NBAS: variants seen among roughly 807,000 people sequenced by gnomAD.
NBAS encodes NAG/BC035112 fusion.
NBAS carries 219 observed loss-of-function variants against 302.5 expected under a neutral mutation model. That is an observed-to-expected ratio of 0.72 (90% confidence interval 0.65 to 0.81). The LOEUF is 0.81. Ranked by LOEUF, NBAS falls within the 30% of genes least tolerant of loss-of-function variation. The pLI is 0.00. For missense variants in NBAS, 2,932 were observed against 2,841.6 expected, an observed-to-expected ratio of 1.03 and a Z score of -0.72; for synonymous variants, 1,118 against 1,021.6, an observed-to-expected ratio of 1.09 and a Z score of -1.80.
chr2:14,856,321 A>C, the NBAS span, among the ~76,000 whole-genome samples: 1 of 152,336 alleles, frequency 6.6e-6, no homozygotes, highest in Admixed American at 6.5e-5. Flanking sequence ...CTTCCTAAGA[A>C]GAATGGCTAC....
chr2:15,366,769 G>T, intron 31 of NBAS, 76 bp from the exon 32 acceptor site: 1 of 1,339,042 alleles, frequency 7.5e-7, no homozygotes, highest in Non-Finnish European at 1.1e-6. Context: ...CTAATGCAAG[G>T]CATCCAAAGA....
At chr2:14,989,115 T>C in the NBAS span, among the ~76,000 whole-genome samples, 1 of 152,196 alleles carries the variant, frequency 6.6e-6, no homozygotes, top group East Asian at 1.9e-4. Context: ...CCAAATAGTA[T>C]GTATTTTAGA....
At chr2:15,456,542 G>C (rs955063114) in intron 21 of NBAS, among the ~76,000 whole-genome samples, 1 of 152,192 alleles carries the variant, frequency 6.6e-6, no homozygotes, top group Non-Finnish European at 1.5e-5. Context: ...TCGTGAACAA[G>C]AGGCAAAGTC....
chr2:15,050,163 C>T, the NBAS span, among the ~76,000 whole-genome samples: 1 of 152,160 alleles, frequency 6.6e-6, no homozygotes, highest in African/African-American at 2.4e-5. Flanking sequence ...AGCTCAGCAA[C>T]GTCATCCTGA....
chr2:15,489,070 A>G, intron 11 of NBAS, 48 bp from the exon 12 acceptor site: 1 of 1,601,692 alleles, frequency 6.2e-7, no homozygotes, highest in Non-Finnish European at 8.5e-7. Context: ...GGTCAAATGT[A>G]AATAACTCAG....
intron 21 of NBAS, 130 bp downstream of exon 21, chr2:15,461,071 A>AT (rs1679484567): frequency 2.2e-6 from 2 of 903,532 alleles, no homozygotes; most frequent in Non-Finnish European, 3.3e-6. Context: ...CAATAACTTA[A>AT]TTTTTTATCA....
intron 11 of NBAS, among the ~76,000 whole-genome samples, chr2:15,496,066 A>G (rs189879136): frequency 1.4e-5 from 2 of 147,378 alleles, no homozygotes; most frequent in South Asian, 4.3e-4. Context: ...GTGTGTGTGT[A>G]TATATATACA....
intron 11 of NBAS, among the ~76,000 whole-genome samples, chr2:15,497,151 G>C (rs1046622113): frequency 2.6e-5 from 4 of 152,158 alleles, no homozygotes; most frequent in Admixed American, 1.3e-4. Flanking sequence ...AGTCTGCAGA[G>C]ACAGTCATGG....
chr2:14,949,942 TATGGTTTG>T, the NBAS span, among the ~76,000 whole-genome samples: 1 of 152,118 alleles, frequency 6.6e-6, no homozygotes, highest in Non-Finnish European at 1.5e-5. Flanking sequence ...GGTAAGAACA[TATGGTTTG>T]ATGGAAGAAG....
chr2:14,857,747 C>T, the NBAS span, among the ~76,000 whole-genome samples: 1 of 152,130 alleles, frequency 6.6e-6, no homozygotes, highest in African/African-American at 2.4e-5. Flanking sequence ...GAAAACTCTC[C>T]AGGACACTGG....
chr2:15,178,187 T>G (rs1285720035), intron 51 of NBAS: 15 of 469,904 alleles, frequency 3.2e-5, no homozygotes, highest in Non-Finnish European at 4.4e-6. Flanking sequence ...AAAAATAGCA[T>G]GCATGTGTAT....
the NBAS span, among the ~76,000 whole-genome samples, chr2:14,982,744 T>C: frequency 6.6e-6 from 1 of 151,954 alleles, no homozygotes; most frequent in African/African-American, 2.4e-5. Context: ...AAAATAAAAA[T>C]TAATTTAAAA....
rs372739407 is a variant in NBAS, at chr2:15,351,972, G to A, written c.4179+20C>T. The stretch of plus-strand genomic sequence containing the variant: ...CACTCTCAGCCACCTTTCAAACTCC[G>A]CTCCCTCATTTTAACTTACCTCTTG... On this transcript the variant is annotated intron_variant, in intron 35 of 51. Transcript: ENST00000281513. The A allele has an allele frequency of 9.6e-6, 15 of 1,566,814 alleles. No individual in the cohort carries two copies. Among genetic ancestry groups the A allele is most frequent in the African/African-American group, 4.1e-5 (3 of 73,578 alleles).
At chr2:15,099,055 C>T in the NBAS span, among the ~76,000 whole-genome samples, 1 of 151,848 alleles carries the variant, frequency 6.6e-6, no homozygotes, top group Non-Finnish European at 1.5e-5. Context: ...GCCTGTAATC[C>T]CAGCACTTTG....
In NBAS at chr2:15,379,778, A is replaced by G. The variant is rs1320962626; in HGVS notation, c.3414T>C (p.Ala1138=). The G allele has an allele frequency of 1.2e-6, 2 of 1,614,100 alleles. No homozygotes were observed. The highest frequency in any genetic ancestry group is 1.7e-6 in the Non-Finnish European group (2 of 1,179,998). Residue 1138 remains alanine (A), a synonymous_variant, in exon 30 of 52, where the codon GCT becomes GCC. Coordinates refer to ENST00000281513, the MANE Select transcript of NBAS (RefSeq NM_015909.4). The stretch of plus-strand genomic sequence containing the variant: ...AAGCACTGCAGTGCATCATCTGTCC[A>G]GCCAGGTGGATGTTTTCAAGGCGAC... ...CSSRLENIHL[A]GQMMHCSACS...
At chr2:15,100,536 C>A in the NBAS span, among the ~76,000 whole-genome samples, 1 of 152,140 alleles carries the variant, frequency 6.6e-6, no homozygotes, top group East Asian at 1.9e-4. Context: ...TGATCATGAA[C>A]TTCTCTGGGA....
At chr2:14,906,604 A>G in the NBAS span, among the ~76,000 whole-genome samples, 1 of 152,092 alleles carries the variant, frequency 6.6e-6, no homozygotes, top group Admixed American at 6.5e-5. Flanking sequence ...TGGAGTCCTG[A>G]AGCTCTGAGG....
chr2:15,236,080 C>G (rs993700092), intron 45 of NBAS, among the ~76,000 whole-genome samples: 4 of 152,016 alleles, frequency 2.6e-5, no homozygotes, highest in Non-Finnish European at 4.4e-5. Flanking sequence ...ATATAAGGTG[C>G]CTTAATAAAA....
chr2:15,243,260 T>C (rs1558468293), intron 44 of NBAS, among the ~76,000 whole-genome samples: 1 of 152,202 alleles, frequency 6.6e-6, no homozygotes, highest in Non-Finnish European at 1.5e-5. Context: ...CAGTGAAATC[T>C]GAGCAGAAGT....
Sources: gnomAD v4.1 joint callset for allele counts (sites outside exome capture counted in the v4.1 genomes callset) on GRCh38, gnomAD v4.1.1 for gene constraint, MANE v1.5 for transcripts, NCBI Gene and HGNC (gene_info 2026-07-23, HGNC 2026-07-21) for gene names.